Variants in AGMO observed in about 807,000 individuals in gnomAD.
AGMO encodes alkylglycerol monooxygenase, also known as glyceryl-ether monooxygenase.
AGMO carries 75 observed loss-of-function variants against 60.2 expected under a neutral mutation model. The ratio of observed to expected loss-of-function variants is 1.25; its 90% CI spans 1.03 to 1.51. The LOEUF is 1.51. Among genes scored for constraint, AGMO ranks in the 40% most tolerant of loss-of-function variants. The pLI is 0.00. For synonymous variants in AGMO, 261 were observed against 177.1 expected, an observed-to-expected ratio of 1.47 and a Z score of -3.76; for missense variants, 763 against 525.5, an observed-to-expected ratio of 1.45 and a Z score of -4.42.
chr7:15,156,260 G>A, the AGMO span, among the ~76,000 whole-genome samples: 13 of 152,190 alleles, frequency 8.5e-5, no homozygotes, highest in Admixed American at 3.3e-4. Context: ...GTGCTTAGGC[G>A]AGATCTGCCA....
At chr7:15,205,606 C>T (rs1368315201) in intron 12 of AGMO, among the ~76,000 whole-genome samples, 3 of 152,052 alleles carry the variant, frequency 2.0e-5, no homozygotes, top group Non-Finnish European at 1.5e-5. Flanking sequence ...ACTTACTCTA[C>T]TTTGTAAAGG....
intron 2 of AGMO, among the ~76,000 whole-genome samples, chr7:15,547,728 G>T (rs551457501): frequency 4.6e-5 from 7 of 151,916 alleles, no homozygotes; most frequent in Non-Finnish European, 8.8e-5. Flanking sequence ...AGGCGGCAGC[G>T]AGGCTGGGGG....
intron 2 of AGMO, among the ~76,000 whole-genome samples, chr7:15,557,775 C>G (rs1417358178): frequency 6.6e-6 from 1 of 151,926 alleles, no homozygotes; most frequent in Non-Finnish European, 1.5e-5. Flanking sequence ...TAGAATTGTT[C>G]TTTACATCTA....
chr7:15,559,454 G>C (rs976460846), intron 2 of AGMO, among the ~76,000 whole-genome samples: 3 of 152,098 alleles, frequency 2.0e-5, no homozygotes, highest in Non-Finnish European at 4.4e-5. Context: ...TCTATGCTTA[G>C]ACCTAATGAA....
intron 12 of AGMO, among the ~76,000 whole-genome samples, chr7:15,335,590 C>T (rs1781633202): frequency 6.6e-6 from 1 of 152,112 alleles, no homozygotes; most frequent in African/African-American, 2.4e-5. Context: ...AACCTGCCAG[C>T]ATCTTTGTGC....
intron 12 of AGMO, among the ~76,000 whole-genome samples, chr7:15,287,644 C>A (rs750678559): frequency 2.6e-5 from 4 of 152,128 alleles, no homozygotes; most frequent in African/African-American, 9.7e-5. Context: ...TAATCCAAAA[C>A]ACACTGAGAA....
chr7:15,437,275 G>C (rs1781427540), intron 3 of AGMO, among the ~76,000 whole-genome samples: 1 of 152,106 alleles, frequency 6.6e-6, no homozygotes, highest in African/African-American at 2.4e-5. Context: ...TACAGTTGGT[G>C]ATGATAAAAA....
intron 3 of AGMO, among the ~76,000 whole-genome samples, chr7:15,508,585 T>C (rs565598385): frequency 3.9e-5 from 6 of 152,176 alleles, no homozygotes; most frequent in South Asian, 2.1e-4. Flanking sequence ...ACAACACCAA[T>C]TGAATTCAAT....
chr7:15,430,656 G>C (rs1781208471), intron 4 of AGMO, among the ~76,000 whole-genome samples: 1 of 143,502 alleles, frequency 7.0e-6, no homozygotes, highest in Non-Finnish European at 1.5e-5. Flanking sequence ...ACTGGTAAAA[G>C]TTTTTACTGA....
chr7:15,204,216 A>C (rs1283440006), intron 12 of AGMO, among the ~76,000 whole-genome samples: 1 of 152,184 alleles, frequency 6.6e-6, no homozygotes, highest in Non-Finnish European at 1.5e-5. Flanking sequence ...ATTTTAAGCC[A>C]GAAAATTATT....
intron 3 of AGMO, among the ~76,000 whole-genome samples, chr7:15,444,726 G>A (rs981181401): frequency 6.6e-6 from 1 of 152,080 alleles, no homozygotes; most frequent in Non-Finnish European, 1.5e-5. Context: ...GGTTTTTCAT[G>A]GTTGTCCTAT....
chr7:15,530,630 A>ATACGTATTTCTATATATATATTCTATG (rs1562555915), intron 3 of AGMO, among the ~76,000 whole-genome samples: 76 of 136,000 alleles, frequency 5.6e-4, no homozygotes, highest in African/African-American at 2.0e-3. Context: ...TATATTCTAT[A>ATACGTATTTCTATATATATATTCTATG]TACGTATTTC....
intron 12 of AGMO, among the ~76,000 whole-genome samples, chr7:15,230,577 T>A (rs1365531644): frequency 6.6e-6 from 1 of 152,208 alleles, no homozygotes; most frequent in African/African-American, 2.4e-5. Context: ...TGTTGGGTCA[T>A]GCTCTTTGAC....
intron 3 of AGMO, among the ~76,000 whole-genome samples, chr7:15,472,786 C>A (rs997425439): frequency 4.0e-5 from 6 of 151,788 alleles, no homozygotes; most frequent in Non-Finnish European, 5.9e-5. Context: ...ATTATCCAAC[C>A]AAAATAGTCT....
intron 12 of AGMO, among the ~76,000 whole-genome samples, chr7:15,349,777 T>C (rs1448583861): frequency 1.3e-5 from 2 of 152,060 alleles, no homozygotes; most frequent in African/African-American, 4.8e-5. Flanking sequence ...AAGAAAAGAA[T>C]GGGTGTCAAG....
At chr7:15,408,447 A>T (rs746692537) in intron 5 of AGMO, among the ~76,000 whole-genome samples, 2 of 151,940 alleles carry the variant, frequency 1.3e-5, no homozygotes, top group East Asian at 3.9e-4. Context: ...ATGAAGGATT[A>T]TAAATTCAGG....
the AGMO span, among the ~76,000 whole-genome samples, chr7:15,159,329 G>A: frequency 1.2e-4 from 18 of 151,880 alleles, no homozygotes; most frequent in Non-Finnish European, 2.1e-4. Context: ...AGTTTTAGTC[G>A]GATAAAAATC....
rs572959220 is a variant in AGMO, at chr7:15,351,996, T to G, written c.1263+13518A>C. On this transcript the variant is annotated intron_variant, in intron 12 of 12. Transcript: ENST00000342526. ...ACATTAGAATCTGCAAATAAATAGC[T>G]TGTTAATTCACATTATCTTCAGAAA... 3.3e-5 allele frequency among the ~76,000 whole-genome samples: 5 copies of G among 152,210 alleles called. No individual in the cohort carries two copies. The East Asian group carries it at 9.7e-4, about 29-fold the overall frequency.
At chr7:15,505,384 G>C (rs1301350896) in intron 3 of AGMO, among the ~76,000 whole-genome samples, 1 of 151,930 alleles carries the variant, frequency 6.6e-6, no homozygotes, top group Non-Finnish European at 1.5e-5. Context: ...AAACGTGTCT[G>C]TCTGGTTGAA....
Sources: gnomAD v4.1 joint callset for allele counts (sites outside exome capture counted in the v4.1 genomes callset) on GRCh38, gnomAD v4.1.1 for gene constraint, MANE v1.5 for transcripts, NCBI Gene and HGNC (gene_info 2026-07-23, HGNC 2026-07-21) for gene names.